Variants in TNIP1 observed in about 807,000 individuals in gnomAD.
TNIP1 encodes the protein TNFAIP3-interacting protein 1.
A neutral mutation model predicts 86.6 loss-of-function variants in TNIP1; 22 were observed. That is an observed-to-expected ratio of 0.25 (90% CI 0.18 to 0.36). The LOEUF (loss-of-function observed/expected upper bound fraction) is 0.36, where lower values mean the gene tolerates loss of function less well. TNIP1 is among the 10% of genes least tolerant of loss of function. The pLI, the probability that TNIP1 is intolerant of heterozygous loss-of-function variation, is 1.00. For missense variants in TNIP1, 709 were observed against 820.6 expected (o/e 0.86, Z 1.66); for synonymous variants, 294 against 313.0 (o/e 0.94, Z 0.64).
At chr5:151,077,295 A>C (rs986346895) in intron 1 of TNIP1, among the ~76,000 whole-genome samples, 1 of 152,254 alleles carries the variant, frequency 6.6e-6, no homozygotes, top group African/African-American at 2.4e-5. Context: ...CAGAGGGATT[A>C]CGTTTCCAAG....
intron 4 of TNIP1, 97 bp from the exon 5 acceptor site, chr5:151,060,492 T>G: frequency 2.4e-5 from 26 of 1,067,962 alleles, no homozygotes; most frequent in Non-Finnish European, 3.3e-5. Context: ...ACAAAATCTC[T>G]TCCCATTTTG....
At chr5:151,042,325 A>T (rs1044976254) in intron 11 of TNIP1, among the ~76,000 whole-genome samples, 1 of 152,210 alleles carries the variant, frequency 6.6e-6, no homozygotes, top group Non-Finnish European at 1.5e-5. Flanking sequence ...AATAAAAACA[A>T]GAAAATGTGA....
In TNIP1 at chr5:151,030,438, GTCAAAGCC is replaced by G; in HGVS notation, c.*267_*274del. The G allele has an allele frequency of 1.8e-6, 1 of 552,610 alleles. No homozygotes were observed. Among genetic ancestry groups the G allele is most frequent in the East Asian group, 3.1e-5 (1 of 31,854 alleles). The allele number at this position is 552,610 out of a possible 1,614,324, so 34.2% of individuals were successfully genotyped here. On this transcript the variant is annotated 3_prime_UTR_variant, in exon 18 of 18. Coordinates refer to ENST00000521591, the MANE Select transcript of TNIP1 (RefSeq NM_006058.5). ...TGGAGGCTTCTGCAACGGATGGTGG[GTCAAAGCC>G]GGATGAGGCCTCTCTCCACTCAGCA...
chr5:151,031,680 C>T (rs1038856550), intron 17 of TNIP1, among the ~76,000 whole-genome samples: 4 of 152,148 alleles, frequency 2.6e-5, no homozygotes, highest in Non-Finnish European at 5.9e-5. Context: ...CTGAACCCTG[C>T]GTTGCCCCTC....
intron 3 of TNIP1, among the ~76,000 whole-genome samples, chr5:151,062,513 T>C (rs140592189): frequency 1.8e-4 from 27 of 152,294 alleles, no homozygotes; most frequent in Admixed American, 2.6e-4. Flanking sequence ...ATTTACAATT[T>C]GAAAAGTCTT....
Position 151,063,739 on chromosome 5 carries a change from A to C in TNIP1, c.145T>G (p.Leu49Val). 1.2e-6 allele frequency: 2 copies of C among 1,613,884 alleles called. No homozygotes were observed. Among genetic ancestry groups the C allele is most frequent in the Non-Finnish European group, 1.7e-6 (2 of 1,179,878 alleles). Residue 49 changes from leucine (L) to valine (V), a missense_variant, in exon 3 of 18, where the codon TTG becomes GTG. Leu to Val is a conservative substitution (Grantham distance 32). Transcript: ENST00000521591. ...MQGIKMLGELLEESQMEATRL... is the reference protein window; with the variant it reads ...MQGIKMLGELVEESQMEATRL... Reference sequence around the variant, plus strand: ...GTCGCTTCCATCTGGGACTCTTCCAAAAGCTCCCCTAGAGTTATTGGGGAA... The same window carrying C: ...GTCGCTTCCATCTGGGACTCTTCCACAAGCTCCCCTAGAGTTATTGGGGAA...
Position 151,049,820 on chromosome 5 carries a change from A to G in TNIP1, c.846+4T>C, listed in dbSNP as rs1759667795. ...TGCTACAGAAGGAATTTCTGACCAC[A>G]TACCTGCTGCTGTCCAGCCACTGCC... On this transcript the variant is annotated splice_donor_region_variant and intron_variant, in intron 8 of 17. Coordinates refer to ENST00000521591, the MANE Select transcript of TNIP1 (RefSeq NM_006058.5). 6.8e-6 allele frequency: 11 copies of G among 1,614,044 alleles called. No individual in the cohort carries two copies. The highest frequency in any genetic ancestry group is 9.3e-6 in the Non-Finnish European group (11 of 1,180,006).
chr5:151,048,200 G>A lies in TNIP1; in HGVS notation c.846+1624C>T, dbSNP rs111820267. On this transcript the variant is annotated intron_variant, in intron 8 of 17. Coordinates refer to ENST00000521591, the MANE Select transcript of TNIP1 (RefSeq NM_006058.5). ...GTTACCGGGGAAGGAGGAAGAGGGT[G>A]GATTCCAGGCTCTAGGGTGGTGCAC... Among the ~76,000 whole-genome samples, 1,246 of 152,314 alleles carry A rather than the reference G, an allele frequency of 8.2e-3. 14 individuals are homozygous for A. Among genetic ancestry groups the A allele is most frequent in the African/African-American group, 0.028 (1,183 of 41,574 alleles).
At chr5:151,070,755 A>G (rs2113773367) in intron 1 of TNIP1, among the ~76,000 whole-genome samples, 1 of 152,252 alleles carries the variant, frequency 6.6e-6, no homozygotes, top group East Asian at 1.9e-4. Flanking sequence ...CTCCCCAACC[A>G]ATTTCCAGGC....
chr5:151,039,091 A>G lies in TNIP1; in HGVS notation c.1263+6T>C. The stretch of plus-strand genomic sequence containing the variant: ...CCAGCCAAGGGACCCGGGCCAAGGC[A>G]CCCACCTTGTTGAGCCGCTGGATCT... On this transcript the variant is annotated splice_donor_region_variant and intron_variant, in intron 12 of 17. Transcript: ENST00000521591. 6.2e-7 allele frequency: 1 copy of G among 1,611,752 alleles called. No homozygotes were observed. The highest frequency in any genetic ancestry group is 8.5e-7 in the Non-Finnish European group (1 of 1,178,840).
chr5:151,037,684 C>T (rs1389199308), intron 12 of TNIP1, among the ~76,000 whole-genome samples: 1 of 152,188 alleles, frequency 6.6e-6, no homozygotes, highest in African/African-American at 2.4e-5. Flanking sequence ...ACATGTTACT[C>T]AGAACTCTGG....
chr5:151,053,378 G>A (rs1760220966), intron 6 of TNIP1, among the ~76,000 whole-genome samples: 1 of 152,140 alleles, frequency 6.6e-6, no homozygotes, highest in Non-Finnish European at 1.5e-5. Context: ...CCAAAGTGCT[G>A]GGATTACAGG....
upstream of TNIP1, among the ~76,000 whole-genome samples, chr5:151,081,262 C>T (rs970029485): frequency 6.6e-6 from 1 of 152,110 alleles, no homozygotes; most frequent in Non-Finnish European, 1.5e-5. Flanking sequence ...CCCGGGCCTG[C>T]GCGGCGCCTT....
At chr5:151,087,041 C>T (rs1463375363) in intron 1 of TNIP1, 3 of 152,584 alleles carry the variant, frequency 2.0e-5, no homozygotes, top group Non-Finnish European at 4.4e-5. Context: ...TGCGGTGGGT[C>T]CTTTCCCCTG....
chr5:151,035,563 T>A lies in TNIP1; in HGVS notation c.1521+19A>T. On this transcript the variant is annotated intron_variant, in intron 14 of 17. Transcript: ENST00000521591. The stretch of plus-strand genomic sequence containing the variant: ...ACGAGGACAGGCCAGTTGCCCTTCC[T>A]GGGTCCAGTCACTCTTACCTGGGCA... The A allele has an allele frequency of 6.2e-7, 1 of 1,614,180 alleles. No individual in the cohort carries two copies. The highest frequency in any genetic ancestry group is 1.1e-5 in the South Asian group (1 of 91,086).
At position 151,030,733 on chromosome 5, in the gene TNIP1, C is replaced by A. The variant is rs890472544; in HGVS notation, c.1891G>T (p.Asp631Tyr). Residue 631 changes from aspartate to tyrosine, a missense_variant, in exon 18 of 18, where the codon GAC becomes TAC. Physicochemically the swap from Asp to Tyr is radical, Grantham distance 160 (BLOSUM62 -3). Coordinates refer to ENST00000521591, the MANE Select transcript of TNIP1 (RefSeq NM_006058.5). ...TGGTCTCACTGAGGCCCCTCACGGT[C>A]ATTTTTTGGAGACTCTAAATAAACA... Reference protein sequence around the residue: ...RPTEPESPKNDREGPQ With the variant: ...RPTEPESPKNYREGPQ The A allele has an allele frequency of 6.2e-7, 1 of 1,611,034 alleles. No homozygotes were observed. The highest frequency in any genetic ancestry group is 1.1e-5 in the South Asian group (1 of 90,518).
chr5:151,040,495 C>A (rs9324672), intron 11 of TNIP1, among the ~76,000 whole-genome samples: 25,652 of 152,092 alleles, frequency 0.17, 2,658 homozygotes, highest in African/African-American at 0.3. Flanking sequence ...CGAAATTCAT[C>A]CTTATCTACA....
intron 4 of TNIP1, among the ~76,000 whole-genome samples, 157 bp downstream of exon 4, chr5:151,061,970 G>C (rs538975724): frequency 6.6e-6 from 1 of 152,312 alleles, no homozygotes; most frequent in South Asian, 2.1e-4. Context: ...GGGAGGCTGA[G>C]GCCCCAGAGA....
Position 151,036,866 on chromosome 5 carries a change from A to T in TNIP1, c.1319T>A (p.Phe440Tyr), listed in dbSNP as rs779668376. 2.5e-6 allele frequency: 4 copies of T among 1,613,294 alleles called. No homozygotes were observed. In the Admixed American group the frequency reaches 5.0e-5, roughly 20 times the overall value. ...QTPPSSPPTA[F>Y]GSPEGAGALL... ...GGCCCCTGCTCCTTCTGGGCTCCCA[A>T]ATGCTGTTGGTGGAGATGATGGCGG... The change falls in exon 13 of 18, where the codon TTT becomes TAT. Residue 440 changes from phenylalanine (F) to tyrosine (Y), a missense_variant. Coordinates refer to ENST00000521591, the MANE Select transcript of TNIP1 (RefSeq NM_006058.5).
Sources: gnomAD v4.1 joint callset for allele counts (sites outside exome capture counted in the v4.1 genomes callset) on GRCh38, gnomAD v4.1.1 for gene constraint, MANE v1.5 for transcripts, NCBI Gene and HGNC (gene_info 2026-07-23, HGNC 2026-07-21) for gene names.